The following HDAC7 variants were observed in gnomAD, a reference collection of about 807,000 sequenced individuals.
The protein encoded by HDAC7 is histone deacetylase 7.
HDAC7 carries 26 observed loss-of-function variants against 115.5 expected under a neutral mutation model. The ratio of observed to expected loss-of-function variants is 0.23; its 90% CI spans 0.16 to 0.31. The LOEUF (loss-of-function observed/expected upper bound fraction) is 0.31. HDAC7 is among the 10% of genes least tolerant of loss of function. The pLI, the probability that HDAC7 is intolerant of heterozygous loss-of-function variation, is 1.00. For synonymous variants in HDAC7, 564 were observed against 550.9 expected, an observed-to-expected ratio of 1.02 and a Z score of -0.33; for missense variants, 1,068 against 1,329.0, an observed-to-expected ratio of 0.80 and a Z score of 3.05.
chr12:47,788,124 T>G lies in HDAC7; in HGVS notation c.2276A>C (p.Gln759Pro). Residue 759 changes from glutamine (Q) to proline (P), a missense_variant, in exon 20 of 26, where the codon CAA (glutamine) becomes CCA (proline). By Grantham distance (76) the Gln-to-Pro change is moderately conservative. Transcript: ENST00000080059. ...HGNGTQQTFY[Q>P]DPSVLYISLH... is the part of the protein sequence containing the mutation. ...GGAGATGTAGAGCACACTGGGGTCT[T>G]GGTAGAAGGTTTGCTGGGTGCCGTT... 6.2e-7 allele frequency: 1 copy of G among 1,613,204 alleles called. No individual in the cohort carries two copies. Among genetic ancestry groups the G allele is most frequent in the Non-Finnish European group, 8.5e-7 (1 of 1,179,548 alleles).
At chr12:47,796,660 G>T (rs1943864631) in intron 7 of HDAC7, among the ~76,000 whole-genome samples, 1 of 152,120 alleles carries the variant, frequency 6.6e-6, no homozygotes, top group Non-Finnish European at 1.5e-5. Context: ...CTAACCTCAG[G>T]TGATTGACCT....
At position 47,793,567 on chromosome 12, in the gene HDAC7, G is replaced by C; in HGVS notation, c.1480C>G (p.Arg494Gly). 6.5e-7 allele frequency: 1 copy of C among 1,544,228 alleles called. No homozygotes were observed. Among genetic ancestry groups the C allele is most frequent in the Non-Finnish European group, 8.7e-7 (1 of 1,144,576 alleles). ...HPQVLLWEQQ[R>G]LAGRLPRGST... The stretch of plus-strand genomic sequence containing the variant: ...CCCCGGGGGAGCCGCCCAGCCAGTC[G>C]CTGCTGTTCCCAGAGCAACACCTAG... The change falls in exon 13 of 26, where the codon CGA becomes GGA. Residue 494 changes from arginine to glycine, a missense_variant. Around this residue, in one of 6 missense-constraint regions of HDAC7, gnomAD observed 618 missense variants for 701.5 expected, o/e 0.88. Transcript: ENST00000080059. The surrounding 1 kb of genome is among the most constrained non-coding windows in gnomAD (Gnocchi z 4.5).
chr12:47,797,300 G>T lies in HDAC7; in HGVS notation c.577+84C>A. Reference sequence around the variant, plus strand: ...ATGATCTCCTGGCCCAGCCCAGCCCGCCCACCCCTGCACACTCCTCCCCCA... The same window carrying T: ...ATGATCTCCTGGCCCAGCCCAGCCCTCCCACCCCTGCACACTCCTCCCCCA... On this transcript the variant is annotated intron_variant, in intron 6 of 25. Transcript: ENST00000080059. The surrounding 1 kb of genome is among the most constrained non-coding windows in gnomAD (Gnocchi z 5.5). 6.4e-6 allele frequency: 4 copies of T among 628,352 alleles called. No individual in the cohort carries two copies. The highest frequency in any genetic ancestry group is 7.8e-6 in the Non-Finnish European group (3 of 385,112). The allele number at this position is 628,352 out of a possible 1,614,324, so 38.9% of individuals were successfully genotyped here. A position where few individuals can be genotyped will look rare whatever the true frequency, so the allele number is the denominator to read the frequency against.
In HDAC7 at chr12:47,782,806, TG is replaced by T. The variant is rs1942931885; in HGVS notation, c.*1034del. 6.5e-6 allele frequency: 1 copy of T among 152,996 alleles called. No homozygotes were observed. Among genetic ancestry groups the T allele is most frequent in the Non-Finnish European group, 1.5e-5 (1 of 68,036 alleles). 9.5% of individuals were successfully genotyped at this position (152,996 alleles called of 1,614,324 possible). A position where few individuals can be genotyped will look rare whatever the true frequency, so the allele number is the denominator to read the frequency against. On this transcript the variant is annotated 3_prime_UTR_variant, in exon 26 of 26. Coordinates refer to ENST00000080059, the MANE Select transcript of HDAC7 (RefSeq NM_015401.5). ...AAAACATGCATACATACACAGGGTA[TG>T]GTGGGTCCTAGGAAAGACACACACA...
intron 1 of HDAC7, among the ~76,000 whole-genome samples, chr12:47,815,156 G>A (rs1187684624): frequency 1.3e-5 from 2 of 152,140 alleles, no homozygotes; most frequent in East Asian, 1.9e-4. Flanking sequence ...TTGACCTTTA[G>A]GGATGACACT....
rs760969015 is a variant in HDAC7 at position 47,790,775 on chromosome 12, C to T, written c.1983+484G>A. 182 of 186,022 alleles carry T rather than the reference C, an allele frequency of 9.8e-4. No homozygotes were observed. In the Middle Eastern group the frequency reaches 0.012, roughly 13 times the overall value. The allele number at this position is 186,022 out of a possible 1,614,324, so 11.5% of individuals were successfully genotyped here. The stretch of plus-strand genomic sequence containing the variant: ...GGACTTAGGAAGCAAAGCTCGCGAG[C>T]GGAGTTTGGGGCTATGTCCCGGAGT... On this transcript the variant is annotated intron_variant, in intron 16 of 25. Transcript: ENST00000080059.
At position 47,791,704 on chromosome 12, in the gene HDAC7, A is replaced by C; in HGVS notation, c.1815T>G (p.Cys605Trp). 1 of 1,613,604 alleles carries C rather than the reference A, an allele frequency of 6.2e-7. No homozygotes were observed. Among genetic ancestry groups the C allele is most frequent in the Non-Finnish European group, 8.5e-7 (1 of 1,179,896 alleles). ...CCAGGGAGGCCTTCCGGCCTCGGAG[A>C]CACTGAAAAGGGGACCACAGAGCTC... Reference protein sequence around the residue: ...QERGLRSQCECLRGRKASLEE... With the variant: ...QERGLRSQCEWLRGRKASLEE... Residue 605 changes from cysteine to tryptophan, a missense_variant and splice_region_variant, in exon 15 of 26, where the codon TGT (cysteine) becomes TGG (tryptophan). By Grantham distance (215) the Cys-to-Trp change is radical (BLOSUM62 -2). Transcript: ENST00000080059.
Position 47,795,942 on chromosome 12 carries a change from C to T in HDAC7, c.870G>A (p.Leu290=), listed in dbSNP as rs1190853066. 1.9e-6 allele frequency: 3 copies of T among 1,551,070 alleles called. No homozygotes were observed. Among genetic ancestry groups the T allele is most frequent in the Non-Finnish European group, 2.6e-6 (3 of 1,148,020 alleles). The change falls in exon 9 of 26, where the codon CTG becomes CTA. Residue 290 remains leucine, a synonymous_variant. Transcript: ENST00000080059. This position sits in a 1 kb window ranked among gnomAD's most constrained non-coding sequence, Gnocchi z 4.3. ...CGGGCAGCCCCAGAGTGATTGCGGG[C>T]AGCAAGGACACTGTCGGCAAGGCGA... ...APFALPTVSL[L]PAITLGLPAP... is the part of the protein sequence containing the mutation.
intron 1 of HDAC7, among the ~76,000 whole-genome samples, chr12:47,806,222 C>T (rs1410975680): frequency 6.6e-6 from 1 of 152,224 alleles, no homozygotes; most frequent in African/African-American, 2.4e-5. Context: ...TCTGGCAGGC[C>T]ACAAACTGTG....
intron 1 of HDAC7, 44 bp from the exon 2 acceptor site, chr12:47,802,318 A>G (rs756677302): frequency 6.3e-7 from 1 of 1,597,302 alleles, no homozygotes; most frequent in Non-Finnish European, 8.6e-7. Context: ...GGGAGGGGTG[A>G]GGAGAGGGAG....
rs35753431 is a variant in HDAC7, at chr12:47,797,895, T to TGTGTGTGTGTGTGTGTGTGTGTGTGAGA, written c.461+212_461+213insTCTCACACACACACACACACACACACAC. On this transcript the variant is annotated intron_variant, in intron 5 of 25. Coordinates refer to ENST00000080059, the MANE Select transcript of HDAC7 (RefSeq NM_015401.5). The surrounding 1 kb of genome is among the most constrained non-coding windows in gnomAD (Gnocchi z 5.5). The stretch of plus-strand genomic sequence containing the variant: ...GTGTGTGTGTGTGTGTGTGTGTGTG[T>TGTGTGTGTGTGTGTGTGTGTGTGTGAGA]GAGAAGGGCTCAGGTGGGGTGGGGA... Among the ~76,000 whole-genome samples the TGTGTGTGTGTGTGTGTGTGTGTGTGAGA allele has an allele frequency of 7.0e-6, 1 of 143,462 alleles. No individual in the cohort carries two copies. The highest frequency in any genetic ancestry group is 2.7e-5 in the African/African-American group (1 of 36,508). The allele number at this position is 143,462 out of a possible 152,430, so 94.1% of individuals were successfully genotyped here. A position where few individuals can be genotyped will look rare whatever the true frequency, so the allele number is the denominator to read the frequency against.
In HDAC7 at chr12:47,793,973, A is replaced by G. The variant is rs578139633; in HGVS notation, c.1459-385T>C. On this transcript the variant is annotated intron_variant, in intron 12 of 25. Transcript: ENST00000080059. The surrounding 1 kb of genome is among the most constrained non-coding windows in gnomAD (Gnocchi z 4.5). The stretch of plus-strand genomic sequence containing the variant: ...GAGTAAATTATGTTCCCCACCCTCA[A>G]ATTTATATGTTGAAGTCCCAACCCC... Among the ~76,000 whole-genome samples the G allele has an allele frequency of 1.3e-5, 2 of 152,120 alleles. No individual in the cohort carries two copies. Among genetic ancestry groups the G allele is most frequent in the African/African-American group, 2.4e-5 (1 of 41,402 alleles).
Position 47,791,665 on chromosome 12 carries a change from C to G in HDAC7, c.1854G>C (p.Ser618=), listed in dbSNP as rs73107974. 6.2e-7 allele frequency: 1 copy of G among 1,613,672 alleles called. No individual in the cohort carries two copies. The highest frequency in any genetic ancestry group is 2.2e-5 in the East Asian group (1 of 44,874). The part of the protein sequence containing the change: ...GRKASLEELQ[S]VHSERHVLLY... ...GGAGCACGTGCCGCTCAGAGTGGAC[C>G]GACTGCAGCTCTTCCAGGGAGGCCT... Residue 618 remains serine, a synonymous_variant, in exon 15 of 26, where the codon TCG becomes TCC. Coordinates refer to ENST00000080059, the MANE Select transcript of HDAC7 (RefSeq NM_015401.5).
At chr12:47,807,784 A>G (rs1944466154) in intron 1 of HDAC7, among the ~76,000 whole-genome samples, 1 of 152,208 alleles carries the variant, frequency 6.6e-6, no homozygotes, top group Non-Finnish European at 1.5e-5. Context: ...TTGACTTTGT[A>G]GAAACCAAGC....
chr12:47,814,494 T>C (rs11168248), intron 1 of HDAC7, among the ~76,000 whole-genome samples: 1 of 152,058 alleles, frequency 6.6e-6, no homozygotes, highest in Non-Finnish European at 1.5e-5. Flanking sequence ...CCTGGGGAGA[T>C]GCTGCCTCCT....
At chr12:47,818,535 G>A (rs1002049572) in intron 1 of HDAC7, among the ~76,000 whole-genome samples, 1 of 152,232 alleles carries the variant, frequency 6.6e-6, no homozygotes, top group Non-Finnish European at 1.5e-5. Flanking sequence ...TGGAGGGCAG[G>A]GACCTGAGTC....
chr12:47,810,842 C>CTCTCTCTCTCTA (rs1565585991), intron 1 of HDAC7, among the ~76,000 whole-genome samples: 2 of 93,202 alleles, frequency 2.1e-5, no homozygotes, highest in Non-Finnish European at 4.5e-5. Flanking sequence ...CTCTCTCTCT[C>CTCTCTCTCTCTA]TCTCTATCTC....
Position 47,798,156 on chromosome 12 carries a change from G to T in HDAC7, c.413C>A (p.Ala138Glu). The T allele has an allele frequency of 1.2e-6, 2 of 1,613,820 alleles. No individual in the cohort carries two copies. The highest frequency in any genetic ancestry group is 8.5e-7 in the Non-Finnish European group (1 of 1,179,884). Reference sequence around the variant, plus strand: ...GGGATGGACTGTTCTTTCTAGGGCCGCCTGCTGTTTTTTCAGAATCACCTC... The same window carrying T: ...GGGATGGACTGTTCTTTCTAGGGCCTCCTGCTGTTTTTTCAGAATCACCTC... ...LAEVILKKQQ[A>E]ALERTVHPNS... Residue 138 changes from alanine to glutamate, a missense_variant, in exon 5 of 26, where the codon GCG becomes GAG. Physicochemically the swap from Ala to Glu is moderately radical, Grantham distance 107. Around this residue, in one of 6 missense-constraint regions of HDAC7, gnomAD observed 618 missense variants for 701.5 expected, o/e 0.88. Coordinates refer to ENST00000080059, the MANE Select transcript of HDAC7 (RefSeq NM_015401.5). The surrounding 1 kb of genome is among the most constrained non-coding windows in gnomAD (Gnocchi z 4.3).
At chr12:47,784,655 G>C (rs1030782773) in intron 24 of HDAC7, 38 of 1,450,978 alleles carry the variant, frequency 2.6e-5, no homozygotes, top group Non-Finnish European at 3.2e-5. Flanking sequence ...AGGAAAGGAG[G>C]GCCTGGGAGG....
Sources: allele counts gnomAD v4.1 joint callset (sites outside exome capture counted in the v4.1 genomes callset), GRCh38; gene constraint gnomAD v4.1.1; regional missense constraint gnomAD v4.1.1; non-coding constraint Gnocchi (gnomAD v3.1); transcripts MANE v1.5; gene names NCBI Gene and HGNC (gene_info 2026-07-23, HGNC 2026-07-21).